The following CECR2 variants were observed in gnomAD, a reference collection of about 807,000 sequenced individuals.
CECR2 encodes the protein CECR2 histone acetyl-lysine reader, also known as chromatin remodeling regulator CECR2.
A neutral mutation model predicts 154.5 loss-of-function variants in CECR2; 30 were observed. The ratio of observed to expected loss-of-function variants is 0.19; its 90% CI spans 0.15 to 0.26. The LOEUF is 0.26. Among genes scored for constraint, CECR2 ranks in the 10% least tolerant of loss-of-function variants. The probability of loss-of-function intolerance (pLI) is 1.00; values close to 1 mark genes in which losing one functional copy is unlikely to be tolerated. For missense variants in CECR2, 1,743 were observed against 1,829.3 expected (o/e 0.95, Z 0.86); for synonymous variants, 725 against 683.7 (o/e 1.06, Z -0.94).
rs1046151124 is a variant in CECR2 at position 17,488,683 on chromosome 22, A to G, written c.222-8720A>G. Among the ~76,000 whole-genome samples, 4 of 152,320 alleles carry G rather than the reference A, an allele frequency of 2.6e-5. No homozygotes were observed. In the South Asian group the frequency reaches 8.3e-4, roughly 32 times the overall value. On this transcript the variant is annotated intron_variant, in intron 2 of 18. Coordinates refer to ENST00000262608, the MANE Select transcript of CECR2 (RefSeq NM_001290047.2). ...GACTAAATTGTATCTAGTGAAAAAT[A>G]TATCACAATTTATTGAATCTGTTCT...
intron 16 of CECR2, among the ~76,000 whole-genome samples, chr22:17,547,833 G>A (rs2056637189): frequency 6.6e-6 from 1 of 152,110 alleles, no homozygotes; most frequent in Non-Finnish European, 1.5e-5. Context: ...CATCTGCCTA[G>A]AGTCCGTGAG....
intron 1 of CECR2, among the ~76,000 whole-genome samples, chr22:17,466,868 A>G (rs2055041660): frequency 6.6e-6 from 1 of 152,216 alleles, no homozygotes; most frequent in African/African-American, 2.4e-5. Flanking sequence ...CAGGAATTAC[A>G]GGCGTGAGCC....
intron 2 of CECR2, among the ~76,000 whole-genome samples, chr22:17,481,602 A>G (rs2055319906): frequency 6.6e-6 from 1 of 152,102 alleles, no homozygotes; most frequent in Admixed American, 6.6e-5. Context: ...TGTTTTTTGT[A>G]AAGGGCCAGA....
In CECR2 at chr22:17,409,964, C is replaced by T. The variant is rs927561970; in HGVS notation, c.126+40055C>T. On this transcript the variant is annotated intron_variant, in intron 1 of 18. Transcript: ENST00000262608. ...ACATATTCAATCAAGTGTTTGCTGT[C>T]TATTTATTTATTTATTTATTTATTT... Among the ~76,000 whole-genome samples, 107 of 104,766 alleles carry T rather than the reference C, an allele frequency of 1.0e-3. 26 individuals carry two copies. Among genetic ancestry groups the T allele is most frequent in the African/African-American group, 3.6e-3 (104 of 29,264 alleles). The allele number at this position is 104,766 out of a possible 152,430, so 68.7% of individuals were successfully genotyped here.
In CECR2 at chr22:17,409,804, A is replaced by G. The variant is rs2054038309; in HGVS notation, c.126+39895A>G. 4.5e-5 allele frequency among the ~76,000 whole-genome samples: 5 copies of G among 110,828 alleles called. 2 individuals are homozygous for G. The South Asian group carries it at 1.3e-3, about 30-fold the overall frequency. 72.7% of individuals were successfully genotyped at this position (110,828 alleles called of 152,430 possible). On this transcript the variant is annotated intron_variant, in intron 1 of 18. Transcript: ENST00000262608. Reference sequence around the variant, plus strand: ...GCATTCTTGTATTTACAGTACCTAGAATTGTCCTATACATAGTAGATGTAC... The same window carrying G: ...GCATTCTTGTATTTACAGTACCTAGGATTGTCCTATACATAGTAGATGTAC...
At chr22:17,488,125 G>A (rs1406955782) in intron 2 of CECR2, among the ~76,000 whole-genome samples, 1 of 151,900 alleles carries the variant, frequency 6.6e-6, no homozygotes, top group Non-Finnish European at 1.5e-5. Context: ...CAGGTGATCT[G>A]CCCCCCCTTG....
At chr22:17,469,250 A>C (rs1379046687) in intron 1 of CECR2, among the ~76,000 whole-genome samples, 2 of 151,974 alleles carry the variant, frequency 1.3e-5, no homozygotes, top group Middle Eastern at 3.2e-3. Context: ...GCTCTGTGTT[A>C]TGTGCTGACC....
At position 17,542,232 on chromosome 22, in the gene CECR2, A is replaced by T; in HGVS notation, c.2089A>T (p.Thr697Ser). ...PEEKQMCGGL[T>S]HLSNMGPHPG... is the part of the protein sequence containing the mutation. ...GGAGAAGCAAATGTGCGGGGGGCTGACACACCTTTCTAACATGGGCCCACA... is the reference window on the plus strand; with the variant it reads ...GGAGAAGCAAATGTGCGGGGGGCTGTCACACCTTTCTAACATGGGCCCACA... The change falls in exon 16 of 19, where the codon ACA becomes TCA. Residue 697 changes from threonine (T) to serine (S), a missense_variant. By Grantham distance (58) the Thr-to-Ser change is moderately conservative (BLOSUM62 1). Around this residue, in one of 4 missense-constraint regions of CECR2, gnomAD observed 1,250 missense variants for 1,192.1 expected, o/e 1.05. Coordinates refer to ENST00000262608, the MANE Select transcript of CECR2 (RefSeq NM_001290047.2). 6.2e-7 allele frequency: 1 copy of T among 1,611,712 alleles called. No homozygotes were observed. The highest frequency in any genetic ancestry group is 8.5e-7 in the Non-Finnish European group (1 of 1,178,902).
At chr22:17,519,306 T>TC in intron 8 of CECR2, among the ~76,000 whole-genome samples, 1 of 151,338 alleles carries the variant, frequency 6.6e-6, no homozygotes, top group African/African-American at 2.4e-5. Context: ...TTTTTTTTTT[T>TC]TTTGAGACGG....
chr22:17,552,987 C>A lies in CECR2; in HGVS notation c.*147C>A. 6.8e-7 allele frequency: 1 copy of A among 1,465,150 alleles called. No individual in the cohort carries two copies. Among genetic ancestry groups the A allele is most frequent in the South Asian group, 1.4e-5 (1 of 70,940 alleles). 90.8% of individuals were successfully genotyped at this position (1,465,150 alleles called of 1,614,324 possible). On this transcript the variant is annotated 3_prime_UTR_variant, in exon 19 of 19. Transcript: ENST00000262608. ...ACTCGTGCCATACTTGAGCTGGAGCCAGTCACGGGCCCTAAAAGGACACTC... is the reference window on the plus strand; with the variant it reads ...ACTCGTGCCATACTTGAGCTGGAGCAAGTCACGGGCCCTAAAAGGACACTC...
chr22:17,484,062 A>G (rs1336852797), intron 2 of CECR2, among the ~76,000 whole-genome samples: 3 of 152,250 alleles, frequency 2.0e-5, no homozygotes, highest in African/African-American at 7.2e-5. Context: ...GCTATGCCAT[A>G]TAGTCTAGGT....
Position 17,544,838 on chromosome 22 carries a change from G to GAAA in CECR2, c.2860+1835_2860+1836insAAA, listed in dbSNP as rs1381929272. The stretch of plus-strand genomic sequence containing the variant: ...AAAAAAAAAAAAAAAAAAAAAAAAG[G>GAAA]TTCATGCCTATAGTCCCAGCTACTT... On this transcript the variant is annotated intron_variant, in intron 16 of 18. Transcript: ENST00000262608. 3.3e-4 allele frequency among the ~76,000 whole-genome samples: 34 copies of GAAA among 103,330 alleles called. 3 individuals are homozygous for GAAA. Among genetic ancestry groups the GAAA allele is most frequent in the Non-Finnish European group, 5.5e-4 (25 of 45,196 alleles). 67.8% of individuals were successfully genotyped at this position (103,330 alleles called of 152,430 possible). A position where few individuals can be genotyped will look rare whatever the true frequency, so the allele number is the denominator to read the frequency against.
chr22:17,491,632 A>G (rs776618500), intron 2 of CECR2, among the ~76,000 whole-genome samples: 11 of 150,086 alleles, frequency 7.3e-5, no homozygotes, highest in Non-Finnish European at 1.0e-4. Context: ...ATATCCTTAA[A>G]TTTTATCCAG....
In CECR2 at chr22:17,548,949, G is replaced by C; in HGVS notation, c.3662G>C (p.Ser1221Thr). Residue 1221 changes from serine (S) to threonine (T), a missense_variant, in exon 17 of 19, where the codon AGC becomes ACC. Physicochemically the swap from Ser to Thr is moderately conservative, Grantham distance 58 (BLOSUM62 1). This residue lies in a region of CECR2 where 1,250 missense variants were observed against 1,192.1 expected (regional missense o/e 1.05). Transcript: ENST00000262608. ...DWQRPLHPQG[S>T]PSGPPASQPP... ...CAGAGACCTCTCCATCCCCAGGGAA[G>C]CCCAAGCGGACCCCCAGCCAGTCAG... 6.2e-7 allele frequency: 1 copy of C among 1,613,906 alleles called. No homozygotes were observed. The highest frequency in any genetic ancestry group is 8.5e-7 in the Non-Finnish European group (1 of 1,179,862).
Position 17,540,807 on chromosome 22 carries a change from A to T in CECR2, c.1884+7A>T. On this transcript the variant is annotated splice_region_variant and intron_variant, in intron 14 of 18. Transcript: ENST00000262608. ...ACCCTTTTTAAACCAGATGGTAAGG[A>T]ATAGAGTGGAGACTGTTGCGGTTTC... 1 of 1,544,520 alleles carries T rather than the reference A, an allele frequency of 6.5e-7. No individual in the cohort carries two copies. The highest frequency in any genetic ancestry group is 2.3e-5 in the East Asian group (1 of 44,022).
Position 17,451,460 on chromosome 22 carries a change from A to G in CECR2, c.127-26128A>G, listed in dbSNP as rs769365701. 3.0e-4 allele frequency among the ~76,000 whole-genome samples: 46 copies of G among 152,316 alleles called. 1 individual carries two copies. Among genetic ancestry groups the G allele is most frequent in the Middle Eastern group, 3.4e-3 (1 of 294 alleles). On this transcript the variant is annotated intron_variant, in intron 1 of 18. Coordinates refer to ENST00000262608, the MANE Select transcript of CECR2 (RefSeq NM_001290047.2). ...TGAATGCATAGCTCAAGGGGAAGCTAGGACGAGATTGCAATCTCATTTTAG... is the reference window on the plus strand; with the variant it reads ...TGAATGCATAGCTCAAGGGGAAGCTGGGACGAGATTGCAATCTCATTTTAG...
At chr22:17,386,756 T>C (rs1433780053) in intron 1 of CECR2, among the ~76,000 whole-genome samples, 1 of 151,868 alleles carries the variant, frequency 6.6e-6, no homozygotes, top group East Asian at 1.9e-4. Context: ...GTTCAAGCCA[T>C]TGCCCTGTCT....
chr22:17,437,649 T>C (rs1358970039), intron 1 of CECR2, among the ~76,000 whole-genome samples: 1 of 152,212 alleles, frequency 6.6e-6, no homozygotes, highest in Non-Finnish European at 1.5e-5. Flanking sequence ...CCTGCTTTTT[T>C]ATGACTTCTT....
At chr22:17,377,977 T>A (rs2063136462) in intron 1 of CECR2, among the ~76,000 whole-genome samples, 1 of 152,018 alleles carries the variant, frequency 6.6e-6, no homozygotes, top group Non-Finnish European at 1.5e-5. Flanking sequence ...GTTATATGCG[T>A]TTTGTTTTGT....
Sources: gnomAD v4.1 joint callset for allele counts (sites outside exome capture counted in the v4.1 genomes callset) on GRCh38, gnomAD v4.1.1 for gene constraint, gnomAD v4.1.1 regional missense constraint, MANE v1.5 for transcripts, NCBI Gene and HGNC (gene_info 2026-07-23, HGNC 2026-07-21) for gene names.